ANKS1B: variants seen among roughly 807,000 people sequenced by gnomAD.
ANKS1B encodes the protein ankyrin repeat and sterile alpha motif domain-containing protein 1B.
In ANKS1B, 36 loss-of-function variants were observed where a neutral mutation model predicts 148.3. That is an observed-to-expected ratio of 0.24 (90% confidence interval 0.19 to 0.32). The LOEUF is 0.32. ANKS1B is among the 10% of genes least tolerant of loss of function. The pLI, the probability that ANKS1B is intolerant of heterozygous loss-of-function variation, is 1.00. For missense variants in ANKS1B, 1,157 were observed against 1,542.6 expected (o/e 0.75, Z 4.19); for synonymous variants, 542 against 560.8 (o/e 0.97, Z 0.47).
intron 17 of ANKS1B, among the ~76,000 whole-genome samples, chr12:98,833,098 C>T (rs750116621): frequency 6.6e-6 from 1 of 152,106 alleles, no homozygotes; most frequent in Non-Finnish European, 1.5e-5. Context: ...GGTAGAAGAG[C>T]TCTCAAAGGG....
chr12:99,483,206 C>G (rs1291094339), intron 10 of ANKS1B, among the ~76,000 whole-genome samples: 1 of 151,260 alleles, frequency 6.6e-6, no homozygotes, highest in South Asian at 2.1e-4. Context: ...GTTTTTATCA[C>G]AAAAGTATGC....
chr12:98,798,883 C>T lies in ANKS1B; in HGVS notation c.3342+51G>A, dbSNP rs575766423. 1.2e-5 allele frequency: 17 copies of T among 1,465,716 alleles called. No individual in the cohort carries two copies. The South Asian group carries it at 2.1e-4, about 18-fold the overall frequency. The allele number at this position is 1,465,716 out of a possible 1,614,324, so 90.8% of individuals were successfully genotyped here. On this transcript the variant is annotated intron_variant, in intron 22 of 26. Transcript: ENST00000683438. ...GAAAGGTGGCAATTTGTATCCATAC[C>T]CAGTATTTAGTATTTCAGCTACTAG...
At chr12:98,824,034 A>G (rs956534000) in intron 19 of ANKS1B, among the ~76,000 whole-genome samples, 8 of 152,226 alleles carry the variant, frequency 5.3e-5, no homozygotes, top group Non-Finnish European at 1.5e-5. Flanking sequence ...TTCTGTGCAC[A>G]ATATATTTCC....
At chr12:98,824,226 C>T (rs1163063244) in intron 19 of ANKS1B, among the ~76,000 whole-genome samples, 1 of 152,160 alleles carries the variant, frequency 6.6e-6, no homozygotes, top group Non-Finnish European at 1.5e-5. Context: ...TCATTCTACC[C>T]AGATCCCTCT....
At chr12:99,011,568 G>A (rs984640472) in intron 17 of ANKS1B, among the ~76,000 whole-genome samples, 1 of 152,130 alleles carries the variant, frequency 6.6e-6, no homozygotes, top group African/African-American at 2.4e-5. Flanking sequence ...GAAATAATTT[G>A]TACTATTCAT....
At chr12:99,937,947 T>G (rs1408789364) in intron 1 of ANKS1B, among the ~76,000 whole-genome samples, 1 of 152,090 alleles carries the variant, frequency 6.6e-6, no homozygotes, top group South Asian at 2.1e-4. Flanking sequence ...ATCGACCCAA[T>G]TTTCCTTTCT....
rs1008277924 is a variant in ANKS1B at position 99,664,169 on chromosome 12, C to A, written c.1129-8959G>T. Among the ~76,000 whole-genome samples, 3 of 149,504 alleles carry A rather than the reference C, an allele frequency of 2.0e-5. No homozygotes were observed. In the East Asian group the frequency reaches 5.8e-4, roughly 29 times the overall value. ...AAAGTTTAAACTTTTTTTTTTTCAA[C>A]AAGACAGTACAGAAGGCAAAATGTA... On this transcript the variant is annotated intron_variant, in intron 8 of 26. Coordinates refer to ENST00000683438, the MANE Select transcript of ANKS1B (RefSeq NM_001352186.2).
At chr12:99,494,387 G>A (rs2096582795) in intron 10 of ANKS1B, among the ~76,000 whole-genome samples, 1 of 152,128 alleles carries the variant, frequency 6.6e-6, no homozygotes, top group East Asian at 1.9e-4. Flanking sequence ...AGTTGTTTTT[G>A]CTGTTAGTTG....
At chr12:99,051,715 C>G (rs17364755) in intron 17 of ANKS1B, among the ~76,000 whole-genome samples, 14,465 of 152,212 alleles carry the variant, frequency 0.095, 873 homozygotes, top group South Asian at 0.22. Context: ...GCATAAGAAG[C>G]AGAAAGTTAA....
At chr12:99,765,097 G>T (rs1300169659) in intron 8 of ANKS1B, among the ~76,000 whole-genome samples, 3 of 152,178 alleles carry the variant, frequency 2.0e-5, no homozygotes, top group Non-Finnish European at 4.4e-5. Context: ...ATGAAAGACA[G>T]AATGATCTAC....
intron 9 of ANKS1B, among the ~76,000 whole-genome samples, chr12:99,507,800 A>G (rs146661029): frequency 6.6e-6 from 1 of 152,020 alleles, no homozygotes; most frequent in East Asian, 1.9e-4. Flanking sequence ...AGTGACCGTC[A>G]AAAGAGGATA....
At chr12:99,078,577 ACTGTGAACAATACAG>A (rs1051027495) in intron 16 of ANKS1B, among the ~76,000 whole-genome samples, 13 of 152,150 alleles carry the variant, frequency 8.5e-5, no homozygotes, top group African/African-American at 3.1e-4. Context: ...AAATCATCTG[ACTGTGAACAATACAG>A]TCCCAGGAAG....
At chr12:99,517,480 G>T (rs1167503127) in intron 9 of ANKS1B, among the ~76,000 whole-genome samples, 1 of 151,848 alleles carries the variant, frequency 6.6e-6, no homozygotes, top group Non-Finnish European at 1.5e-5. Flanking sequence ...CACTTTGGGA[G>T]GCCAAGATGG....
intron 17 of ANKS1B, among the ~76,000 whole-genome samples, chr12:98,967,751 T>TAAAAA (rs544792811): frequency 5.7e-4 from 46 of 81,096 alleles, no homozygotes; most frequent in Non-Finnish European, 8.5e-4. Context: ...CAGACAAATC[T>TAAAAA]AAAAAAAAAA....
intron 14 of ANKS1B, among the ~76,000 whole-genome samples, chr12:99,163,072 C>A (rs2076842415): frequency 6.6e-6 from 1 of 151,596 alleles, no homozygotes; most frequent in South Asian, 2.1e-4. Context: ...AAAAAAAATT[C>A]TACTAAGTAA....
chr12:99,070,314 C>A (rs1289406986), intron 16 of ANKS1B, among the ~76,000 whole-genome samples: 1 of 152,108 alleles, frequency 6.6e-6, no homozygotes, highest in East Asian at 1.9e-4. Context: ...TCATCCCCCA[C>A]AAAAATAACC....
chr12:98,736,813 T>G (rs183825115), intron 9 of ANKS1B, among the ~76,000 whole-genome samples: 7 of 152,342 alleles, frequency 4.6e-5, no homozygotes, highest in East Asian at 1.9e-4. Flanking sequence ...CCTTAACGTC[T>G]TCTTGTCTGT....
intron 20 of ANKS1B, among the ~76,000 whole-genome samples, chr12:98,802,736 T>A (rs1390574543): frequency 6.6e-6 from 1 of 151,470 alleles, no homozygotes; most frequent in Non-Finnish European, 1.5e-5. Flanking sequence ...CTGTAGTTAG[T>A]GTGTGACTAG....
At chr12:99,318,999 C>G (rs2084709979) in intron 12 of ANKS1B, among the ~76,000 whole-genome samples, 1 of 152,142 alleles carries the variant, frequency 6.6e-6, no homozygotes, top group Non-Finnish European at 1.5e-5. Context: ...GTTTCTTAAT[C>G]TTGAGTTCTA....
Sources: allele counts gnomAD v4.1 joint callset (sites outside exome capture counted in the v4.1 genomes callset), GRCh38; gene constraint gnomAD v4.1.1; transcripts MANE v1.5; gene names NCBI Gene and HGNC (gene_info 2026-07-23, HGNC 2026-07-21).